CTNNA2: variants seen among roughly 807,000 people sequenced by gnomAD.
CTNNA2 encodes the protein catenin alpha-2.
In CTNNA2, 42 loss-of-function variants were observed where a neutral mutation model predicts 101.0. The ratio of observed to expected loss-of-function variants is 0.42; its 90% CI spans 0.32 to 0.54. CTNNA2 has a LOEUF of 0.54. Among genes scored for constraint, CTNNA2 ranks in the 20% least tolerant of loss-of-function variants. The pLI, the probability that CTNNA2 is intolerant of heterozygous loss-of-function variation, is 0.14. For synonymous variants in CTNNA2, 450 were observed against 456.4 expected (o/e 0.99, Z 0.18); for missense variants, 871 against 1,223.1 (o/e 0.71, Z 4.29).
intron 7 of CTNNA2, among the ~76,000 whole-genome samples, chr2:80,349,996 T>G (rs1673134396): frequency 6.6e-6 from 1 of 152,188 alleles, no homozygotes; most frequent in African/African-American, 2.4e-5. Flanking sequence ...TCTAAAATAT[T>G]TTATTAACAG....
At chr2:79,758,286 T>C (rs1393541685) in intron 3 of CTNNA2, among the ~76,000 whole-genome samples, 1 of 152,192 alleles carries the variant, frequency 6.6e-6, no homozygotes, top group Non-Finnish European at 1.5e-5. Flanking sequence ...GATAAGATTG[T>C]TGAAGACGAA....
intron 7 of CTNNA2, among the ~76,000 whole-genome samples, chr2:80,040,790 G>T (rs1024341463): frequency 6.6e-6 from 1 of 152,002 alleles, no homozygotes; most frequent in Non-Finnish European, 1.5e-5. Context: ...TTCAATTAAA[G>T]GTCTTAAAAT....
chr2:79,762,318 C>G (rs372298630), intron 3 of CTNNA2, among the ~76,000 whole-genome samples: 1 of 152,094 alleles, frequency 6.6e-6, no homozygotes, highest in Admixed American at 6.6e-5. Flanking sequence ...GGGAAAGACA[C>G]GGAAAACAAG....
chr2:79,655,699 C>T (rs112125585), intron 2 of CTNNA2, among the ~76,000 whole-genome samples: 1 of 151,876 alleles, frequency 6.6e-6, no homozygotes, highest in Non-Finnish European at 1.5e-5. Context: ...CATGGTGGTA[C>T]ATGCCTGTAA....
chr2:79,453,858 A>G (rs1379285967), intron 4 of CTNNA2, among the ~76,000 whole-genome samples: 4 of 152,176 alleles, frequency 2.6e-5, no homozygotes, highest in Non-Finnish European at 5.9e-5. Flanking sequence ...AAACAGAGAA[A>G]TAGAGGTAAG....
chr2:80,466,966 A>G (rs1198496758), intron 9 of CTNNA2, among the ~76,000 whole-genome samples: 2 of 152,204 alleles, frequency 1.3e-5, no homozygotes, highest in Non-Finnish European at 1.5e-5. Flanking sequence ...ATGTCATTGT[A>G]TCTCCAAGCC....
At chr2:80,591,458 T>TTTTTTTTTTTTTTTTC (rs1696496568) in intron 15 of CTNNA2, among the ~76,000 whole-genome samples, 1 of 78,636 alleles carries the variant, frequency 1.3e-5, no homozygotes, top group Non-Finnish European at 2.3e-5. Flanking sequence ...GCACAGCCTG[T>TTTTTTTTTTTTTTTTC]TTTTTTTTTT....
rs769501167 is a variant in CTNNA2 at position 79,909,590 on chromosome 2, T to G, written c.853-4T>G. ...TTTTGTGTGTGTGTGTGTGATACTT[T>G]CAGAATAAGATTATCCTGGACCCCA... is the stretch of plus-strand genomic sequence containing the variant. On this transcript the variant is annotated splice_region_variant and splice_polypyrimidine_tract_variant and intron_variant, in intron 6 of 18. Transcript: ENST00000402739. The G allele has an allele frequency of 6.3e-7, 1 of 1,598,774 alleles. No individual in the cohort carries two copies. The highest frequency in any genetic ancestry group is 8.6e-7 in the Non-Finnish European group (1 of 1,168,452).
chr2:79,931,329 G>T (rs554808494), intron 7 of CTNNA2, among the ~76,000 whole-genome samples: 2 of 152,110 alleles, frequency 1.3e-5, no homozygotes, highest in East Asian at 3.9e-4. Flanking sequence ...TGAAGAATGG[G>T]TTTCTTTTGT....
rs535253262 is a variant in CTNNA2 at position 80,581,420 on chromosome 2, A to G, written c.1894-286A>G. On this transcript the variant is annotated intron_variant, in intron 13 of 18. Coordinates refer to ENST00000402739, the MANE Select transcript of CTNNA2 (RefSeq NM_001282597.3). ...TCAATAGATTTGGATGGGTGGAAAT[A>G]ATACACAGATATCATTTTTCTTAAA... 4.6e-5 allele frequency among the ~76,000 whole-genome samples: 7 copies of G among 152,308 alleles called. No individual in the cohort carries two copies. In the South Asian group the frequency reaches 1.5e-3, roughly 32 times the overall value.
chr2:79,272,782 G>T (rs1336953589), intron 2 of CTNNA2, among the ~76,000 whole-genome samples: 2 of 151,896 alleles, frequency 1.3e-5, no homozygotes, highest in Non-Finnish European at 2.9e-5. Flanking sequence ...GCTGAATTCT[G>T]TTTTTGTCTT....
At chr2:80,374,714 T>TCC in intron 7 of CTNNA2, among the ~76,000 whole-genome samples, 1 of 151,068 alleles carries the variant, frequency 6.6e-6, no homozygotes, top group Non-Finnish European at 1.5e-5. Context: ...TGTGTGTGTG[T>TCC]GTCCTAATCT....
At position 79,865,085 on chromosome 2, in the gene CTNNA2, A is replaced by G. The variant is rs6717156; in HGVS notation, c.466-4731A>G. Reference sequence around the variant, plus strand: ...TTGTTGTGCTTTGTATAACACACTTATACACACATTTGTATAACACACATT... The same window carrying G: ...TTGTTGTGCTTTGTATAACACACTTGTACACACATTTGTATAACACACATT... On this transcript the variant is annotated intron_variant, in intron 4 of 18. Transcript: ENST00000402739. 6.9e-3 allele frequency among the ~76,000 whole-genome samples: 1,056 copies of G among 152,302 alleles called. 13 individuals are homozygous for G. The highest frequency in any genetic ancestry group is 0.023 in the African/African-American group (955 of 41,560).
At chr2:79,985,275 G>A (rs868642925) in intron 7 of CTNNA2, among the ~76,000 whole-genome samples, 2 of 152,080 alleles carry the variant, frequency 1.3e-5, no homozygotes, top group African/African-American at 4.8e-5. Flanking sequence ...GAATTCTTTC[G>A]ATGGCACTGC....
intron 18 of CTNNA2, among the ~76,000 whole-genome samples, chr2:80,621,614 A>C (rs1671128069): frequency 6.6e-6 from 1 of 151,984 alleles, no homozygotes; most frequent in Non-Finnish European, 1.5e-5. Context: ...GGATGTAAAA[A>C]ACATTTACTA....
intron 4 of CTNNA2, among the ~76,000 whole-genome samples, chr2:79,476,240 A>G (rs1031031639): frequency 2.6e-5 from 4 of 152,168 alleles, no homozygotes; most frequent in African/African-American, 9.7e-5. Flanking sequence ...GACTGAGAAC[A>G]GAAGCTCAGC....
intron 7 of CTNNA2, among the ~76,000 whole-genome samples, chr2:80,206,823 T>C (rs1366470466): frequency 6.6e-6 from 1 of 152,234 alleles, no homozygotes; most frequent in African/African-American, 2.4e-5. Context: ...TTGAGCATGA[T>C]AGATTTCCTC....
chr2:79,974,955 A>G (rs919873405), intron 7 of CTNNA2, among the ~76,000 whole-genome samples: 5 of 152,102 alleles, frequency 3.3e-5, no homozygotes, highest in Non-Finnish European at 7.3e-5. Flanking sequence ...ACAGAGCGTC[A>G]TACCAAGTAG....
intron 7 of CTNNA2, chr2:80,298,850 T>A (rs1656221295): frequency 6.6e-6 from 1 of 152,194 alleles, no homozygotes; most frequent in South Asian, 2.1e-4. Context: ...TCTCAACTAT[T>A]AATATCAAGG....
Sources: allele counts gnomAD v4.1 joint callset (sites outside exome capture counted in the v4.1 genomes callset), GRCh38; gene constraint gnomAD v4.1.1; transcripts MANE v1.5; gene names NCBI Gene and HGNC (gene_info 2026-07-23, HGNC 2026-07-21).